The following C5orf34 variants were observed in gnomAD, a reference collection of about 807,000 sequenced individuals.
The protein encoded by C5orf34 is uncharacterized protein C5orf34.
In C5orf34, 73 loss-of-function variants were observed where a neutral mutation model predicts 78.4. That is an observed-to-expected ratio of 0.93 (90% CI 0.77 to 1.13). The LOEUF (loss-of-function observed/expected upper bound fraction) is 1.13. C5orf34 is among the 50% of genes most tolerant of loss of function. The pLI is 0.00. For synonymous variants in C5orf34, 251 were observed against 246.6 expected, an observed-to-expected ratio of 1.02 and a Z score of -0.17; for missense variants, 730 against 732.7, an observed-to-expected ratio of 1.00 and a Z score of 0.04.
intron 6 of C5orf34, among the ~76,000 whole-genome samples, chr5:43,497,916 GT>G (rs1745609540): frequency 6.6e-6 from 1 of 152,082 alleles, no homozygotes; most frequent in Admixed American, 6.6e-5. Context: ...TTATCACGTT[GT>G]TCCCTCTACC....
chr5:43,489,900 TG>T (rs1260635486), intron 11 of C5orf34, among the ~76,000 whole-genome samples: 1 of 152,140 alleles, frequency 6.6e-6, no homozygotes, highest in Non-Finnish European at 1.5e-5. Flanking sequence ...AATCTTCTAA[TG>T]ACCTTTCTTC....
chr5:43,494,567 G>A lies in C5orf34; in HGVS notation c.1187C>T (p.Pro396Leu). 3 of 1,607,336 alleles carry A rather than the reference G, an allele frequency of 1.9e-6. No homozygotes were observed. The highest frequency in any genetic ancestry group is 2.6e-6 in the Non-Finnish European group (3 of 1,175,602). ...GAATGGACTTCCCGGTCTATCTGGA[G>A]GAAGGTTATTTACTGAGTAAGTTTT... ...EEKTYSVNNL[P>L]PDRPGSPFTV... Residue 396 changes from proline to leucine, a missense_variant, in exon 7 of 13, where the codon CCT becomes CTT. Transcript: ENST00000306862.
intron 6 of C5orf34, chr5:43,495,637 A>G (rs1418198508): frequency 2.5e-6 from 4 of 1,598,414 alleles, no homozygotes; most frequent in Middle Eastern, 3.3e-4. Flanking sequence ...CCACCACACC[A>G]GGTTTGAGAA....
intron 9 of C5orf34, 29 bp from the exon 10 acceptor site, chr5:43,492,338 A>G (rs1745320006): frequency 7.1e-7 from 1 of 1,410,474 alleles, no homozygotes; most frequent in Non-Finnish European, 9.9e-7. Context: ...AAGTTTTATC[A>G]TTTTAGAACT....
chr5:43,490,598 T>C, intron 11 of C5orf34, 33 bp downstream of exon 11: 1 of 1,373,240 alleles, frequency 7.3e-7, no homozygotes, highest in Admixed American at 1.7e-5. Flanking sequence ...GTATTAGCTC[T>C]TCTAAACAGA....
intron 6 of C5orf34, chr5:43,495,887 A>G (rs752677309): frequency 8.8e-6 from 14 of 1,594,090 alleles, no homozygotes; most frequent in Non-Finnish European, 1.2e-5. Flanking sequence ...AGAAATTGGC[A>G]CAAATGCTAC....
Position 43,492,149 on chromosome 5 carries a change from T to G in C5orf34, c.1580+66A>C, listed in dbSNP as rs367795195. On this transcript the variant is annotated intron_variant, in intron 10 of 12. Coordinates refer to ENST00000306862, the MANE Select transcript of C5orf34 (RefSeq NM_198566.4). ...ATATATATAACACTTAAATAATGCT[T>G]ATTGCTTATTCTCTGTTAGTTAAAA... 1.8e-5 allele frequency: 19 copies of G among 1,038,374 alleles called. No individual in the cohort carries two copies. In the African/African-American group the frequency reaches 2.9e-4, roughly 16 times the overall value. The allele number at this position is 1,038,374 out of a possible 1,614,324, so 64.3% of individuals were successfully genotyped here.
At chr5:43,502,533 C>T (rs759936272) in intron 5 of C5orf34, 38 bp from the exon 6 acceptor site, 13 of 1,314,484 alleles carry the variant, frequency 9.9e-6, no homozygotes, top group Middle Eastern at 1.9e-4. Context: ...TTTTTTTCCA[C>T]TTGAGATTAA....
Position 43,487,925 on chromosome 5 carries a change from C to G in C5orf34, c.1704G>C (p.Lys568Asn), listed in dbSNP as rs770163990. 4 of 1,605,248 alleles carry G rather than the reference C, an allele frequency of 2.5e-6. No homozygotes were observed. The highest frequency in any genetic ancestry group is 3.4e-6 in the Non-Finnish European group (4 of 1,174,336). The change falls in exon 12 of 13, where the codon AAG becomes AAC. Residue 568 changes from lysine (K) to asparagine (N), a missense_variant. Physicochemically the swap from Lys to Asn is moderately conservative, Grantham distance 94. Transcript: ENST00000306862. ...ENWSVASELE[K>N]IQKFNLLLEN... is the part of the protein sequence containing the mutation. ...AAAGGATACAGTTAAACTTCTGTAT[C>G]TTTTCAAGTTCAGAAGCAACAGACC...
At chr5:43,496,787 T>G (rs761502932) in intron 6 of C5orf34, among the ~76,000 whole-genome samples, 31 of 151,888 alleles carry the variant, frequency 2.0e-4, no homozygotes, top group Non-Finnish European at 4.0e-4. Context: ...GGTCTTACTA[T>G]ATTACCCAGA....
chr5:43,492,154 C>G (rs1460709991), intron 10 of C5orf34, 61 bp downstream of exon 10: 1 of 1,088,570 alleles, frequency 9.2e-7, no homozygotes, highest in East Asian at 2.4e-5. Flanking sequence ...ATGCTTATTG[C>G]TTATTCTCTG....
At chr5:43,501,506 T>C (rs1745758258) in intron 6 of C5orf34, among the ~76,000 whole-genome samples, 1 of 152,212 alleles carries the variant, frequency 6.6e-6, no homozygotes, top group Admixed American at 6.5e-5. Flanking sequence ...TTCCAATATA[T>C]ACTGAAGTAT....
At chr5:43,487,240 G>C in intron 12 of C5orf34, 129 bp from the exon 13 acceptor site, 3 of 473,164 alleles carry the variant, frequency 6.3e-6, no homozygotes, top group East Asian at 3.4e-5. Context: ...TAATACAGTT[G>C]GAACTGCAAG....
chr5:43,495,437 A>G (rs1289459481), intron 6 of C5orf34: 17 of 1,611,264 alleles, frequency 1.1e-5, no homozygotes, highest in Non-Finnish European at 6.8e-6. Context: ...TACCTGAGCA[A>G]TGAAGTCAGC....
At chr5:43,506,686 T>C (rs1442343191) in intron 3 of C5orf34, among the ~76,000 whole-genome samples, 1 of 152,022 alleles carries the variant, frequency 6.6e-6, no homozygotes, top group Admixed American at 6.6e-5. Context: ...GTACAATGAA[T>C]TAAACAGATT....
At chr5:43,489,480 G>A (rs1745186755) in intron 11 of C5orf34, among the ~76,000 whole-genome samples, 1 of 152,072 alleles carries the variant, frequency 6.6e-6, no homozygotes, top group Non-Finnish European at 1.5e-5. Flanking sequence ...TGTATTGACA[G>A]CCTCTTCTCA....
intron 6 of C5orf34, chr5:43,496,554 A>C: frequency 2.4e-6 from 2 of 836,238 alleles, no homozygotes; most frequent in South Asian, 2.7e-5. Context: ...ATATAGAATT[A>C]CTCCTATTCA....
rs773529411 is a variant in C5orf34 at position 43,502,513 on chromosome 5, C to T, written c.1029-18G>A. On this transcript the variant is annotated intron_variant, in intron 5 of 12. Transcript: ENST00000306862. ...GGGTAAGTCTAAGAAATAGAAATAA[C>T]CATTAAAAATTTTTTTCCACTTGAG... 6.7e-7 allele frequency: 1 copy of T among 1,484,564 alleles called. No individual in the cohort carries two copies. The highest frequency in any genetic ancestry group is 9.2e-7 in the Non-Finnish European group (1 of 1,090,230). The allele number at this position is 1,484,564 out of a possible 1,614,324, so 92.0% of individuals were successfully genotyped here.
chr5:43,506,489 T>C, intron 3 of C5orf34, 95 bp from the exon 4 acceptor site: 2 of 1,272,824 alleles, frequency 1.6e-6, no homozygotes, highest in Non-Finnish European at 2.1e-6. Flanking sequence ...AAGAAAGCTC[T>C]TAAATATTTG....
Sources: gnomAD v4.1 joint callset for allele counts (sites outside exome capture counted in the v4.1 genomes callset) on GRCh38, gnomAD v4.1.1 for gene constraint, MANE v1.5 for transcripts, NCBI Gene and HGNC (gene_info 2026-07-23, HGNC 2026-07-21) for gene names.